Variants in WDPCP observed in about 807,000 individuals in gnomAD.
The protein encoded by WDPCP is WD repeat-containing and planar cell polarity effector protein fritz homolog.
A neutral mutation model predicts 93.1 loss-of-function variants in WDPCP; 71 were observed. The ratio of observed to expected loss-of-function variants is 0.76; its 90% CI spans 0.63 to 0.93. The LOEUF is 0.93. WDPCP is among the 40% of genes least tolerant of loss of function. The probability of loss-of-function intolerance (pLI) is 0.00; values close to 1 mark genes in which losing one functional copy is unlikely to be tolerated. For missense variants in WDPCP, 844 were observed against 887.4 expected, an observed-to-expected ratio of 0.95 and a Z score of 0.62; for synonymous variants, 315 against 315.0, an observed-to-expected ratio of 1.00 and a Z score of 0.00.
intron 1 of WDPCP, among the ~76,000 whole-genome samples, chr2:63,824,405 A>G (rs1413706962): frequency 1.3e-5 from 2 of 150,890 alleles, no homozygotes; most frequent in Non-Finnish European, 3.0e-5. Flanking sequence ...AAAATTAGCC[A>G]GGCATGGTGG....
At position 63,347,081 on chromosome 2, in the gene WDPCP, C is replaced by G. The variant is rs114405790; in HGVS notation, c.1748+31305G>C. On this transcript the variant is annotated intron_variant, in intron 12 of 17. Coordinates refer to ENST00000272321, the MANE Select transcript of WDPCP (RefSeq NM_015910.7). ...ATATTACAACCCTAACAACAATAGC[C>G]ACAGTAACAACAACAGGTAATATTT... is the stretch of plus-strand genomic sequence containing the variant. Among the ~76,000 whole-genome samples the G allele has an allele frequency of 4.2e-3, 638 of 152,216 alleles. 2 individuals are homozygous for G. Among genetic ancestry groups the G allele is most frequent in the Non-Finnish European group, 5.6e-3 (380 of 68,006 alleles).
intron 6 of WDPCP, among the ~76,000 whole-genome samples, chr2:63,462,045 G>A (rs1699046284): frequency 6.6e-6 from 1 of 152,200 alleles, no homozygotes; most frequent in African/African-American, 2.4e-5. Flanking sequence ...AAAGACACAT[G>A]CACACATATG....
At chr2:63,662,465 A>G (rs1286159815) in intron 2 of WDPCP, among the ~76,000 whole-genome samples, 1 of 152,146 alleles carries the variant, frequency 6.6e-6, no homozygotes, top group Non-Finnish European at 1.5e-5. Flanking sequence ...CATACCATTC[A>G]TTATTCACAC....
chr2:63,573,073 C>T (rs540864639), intron 1 of WDPCP, among the ~76,000 whole-genome samples: 4 of 151,800 alleles, frequency 2.6e-5, no homozygotes, highest in African/African-American at 7.3e-5. Context: ...ATAGCAAGAC[C>T]CTGTCTCTTA....
intron 2 of WDPCP, among the ~76,000 whole-genome samples, chr2:63,810,261 T>C (rs1670844321): frequency 6.6e-6 from 1 of 152,252 alleles, no homozygotes. Flanking sequence ...TTATGTTGAC[T>C]ACTTTCAAAT....
At chr2:63,283,426 G>A (rs1364331283) in intron 13 of WDPCP, among the ~76,000 whole-genome samples, 1 of 152,126 alleles carries the variant, frequency 6.6e-6, no homozygotes, top group Non-Finnish European at 1.5e-5. Context: ...TATATATGTT[G>A]ATAAAGCGCA....
chr2:63,532,914 C>A (rs1302757370), intron 1 of WDPCP, among the ~76,000 whole-genome samples: 1 of 152,042 alleles, frequency 6.6e-6, no homozygotes. Context: ...CACAGACTGG[C>A]AAATTGGATA....
intron 13 of WDPCP, among the ~76,000 whole-genome samples, chr2:63,263,263 CTA>C (rs748052967): frequency 1.3e-5 from 2 of 152,142 alleles, no homozygotes; most frequent in East Asian, 1.9e-4. Context: ...CAATTAAATG[CTA>C]TGATATGAAT....
chr2:63,664,127 G>T (rs262517), intron 2 of WDPCP, among the ~76,000 whole-genome samples: 120,057 of 152,098 alleles, frequency 0.79, 47,893 homozygotes, highest in East Asian at 0.98. Context: ...AATTCCAAGT[G>T]GGAAGTAGAA....
chr2:63,540,082 C>T (rs1415584712), intron 1 of WDPCP, among the ~76,000 whole-genome samples: 1 of 152,102 alleles, frequency 6.6e-6, no homozygotes, highest in Non-Finnish European at 1.5e-5. Context: ...GGTATCACTA[C>T]TTAAAGGTGA....
intron 12 of WDPCP, among the ~76,000 whole-genome samples, chr2:63,325,247 G>T (rs1479586946): frequency 6.6e-6 from 1 of 152,148 alleles, no homozygotes; most frequent in Non-Finnish European, 1.5e-5. Context: ...GGTAGGGCTT[G>T]TTATCAGTGT....
chr2:63,300,989 T>C (rs1051724086), intron 13 of WDPCP, among the ~76,000 whole-genome samples: 2 of 152,094 alleles, frequency 1.3e-5, no homozygotes, highest in Non-Finnish European at 2.9e-5. Context: ...CACATGGCAT[T>C]TCCAGGTCTC....
At chr2:63,537,582 CTT>C in intron 1 of WDPCP, among the ~76,000 whole-genome samples, 1 of 152,148 alleles carries the variant, frequency 6.6e-6, no homozygotes, top group East Asian at 1.9e-4. Context: ...TCCCTAGACT[CTT>C]TGCCTTTTTA....
At chr2:63,498,968 C>T (rs1701386347) in intron 1 of WDPCP, among the ~76,000 whole-genome samples, 1 of 152,168 alleles carries the variant, frequency 6.6e-6, no homozygotes, top group African/African-American at 2.4e-5. Flanking sequence ...GTACTAGAAA[C>T]AATGGCTCAT....
intron 2 of WDPCP, among the ~76,000 whole-genome samples, chr2:63,782,793 T>G (rs1670414969): frequency 6.6e-6 from 1 of 151,758 alleles, no homozygotes; most frequent in Non-Finnish European, 1.5e-5. Flanking sequence ...TGTTTGTGTG[T>G]GTGTGTAATA....
chr2:63,347,730 G>GCCCCCCCC (rs5831659), intron 12 of WDPCP, among the ~76,000 whole-genome samples: 6 of 143,744 alleles, frequency 4.2e-5, no homozygotes, highest in African/African-American at 7.8e-5. Context: ...GGGGGAAATT[G>GCCCCCCCC]CCCCCCCCGC....
At chr2:63,711,109 C>G (rs1257136945) in intron 2 of WDPCP, among the ~76,000 whole-genome samples, 1 of 152,206 alleles carries the variant, frequency 6.6e-6, no homozygotes, top group African/African-American at 2.4e-5. Context: ...AAGCAGGAAT[C>G]ATTATCAGGA....
intron 3 of WDPCP, among the ~76,000 whole-genome samples, chr2:63,639,168 C>T (rs868647461): frequency 6.6e-6 from 1 of 151,018 alleles, no homozygotes; most frequent in African/African-American, 2.4e-5. Context: ...ACCTAGGAGG[C>T]GGAGGTTACA....
At chr2:63,821,950 C>T (rs1022038844) in intron 1 of WDPCP, among the ~76,000 whole-genome samples, 2 of 152,034 alleles carry the variant, frequency 1.3e-5, no homozygotes, top group Admixed American at 6.6e-5. Context: ...AAAATATGAA[C>T]CACCTCTGTG....
Sources: allele counts gnomAD v4.1 joint callset (sites outside exome capture counted in the v4.1 genomes callset), GRCh38; gene constraint gnomAD v4.1.1; transcripts MANE v1.5; gene names NCBI Gene and HGNC (gene_info 2026-07-23, HGNC 2026-07-21).